The following ATL1 variants were observed in gnomAD, a reference collection of about 807,000 sequenced individuals.
ATL1 encodes atlastin-1.
Under a neutral mutation model 75.5 loss-of-function variants are expected in ATL1, and 31 were observed. The ratio of observed to expected loss-of-function variants is 0.41; its 90% CI spans 0.31 to 0.55. ATL1 has a LOEUF of 0.55. Ranked by LOEUF, ATL1 falls within the 20% of genes least tolerant of loss-of-function variation. The pLI is 0.27. For synonymous variants in ATL1, 226 were observed against 233.3 expected, an observed-to-expected ratio of 0.97 and a Z score of 0.28; for missense variants, 405 against 662.6, an observed-to-expected ratio of 0.61 and a Z score of 4.27.
At chr14:50,538,779 A>G (rs2038525004) in intron 1 of ATL1, among the ~76,000 whole-genome samples, 1 of 152,174 alleles carries the variant, frequency 6.6e-6, no homozygotes, top group South Asian at 2.1e-4. Context: ...CTCACTATCT[A>G]TTGGTGATTC....
chr14:50,614,298 A>G lies in ATL1; in HGVS notation c.724-75A>G, dbSNP rs539233428. On this transcript the variant is annotated intron_variant, in intron 7 of 13. Transcript: ENST00000358385. ...ATTGTGGGACCAAACAGACATAGCA[A>G]ATATAAGATGCCACAGAATTCCTTT... 345 of 1,510,090 alleles carry G rather than the reference A, an allele frequency of 2.3e-4. 2 individuals are homozygous for G. The highest frequency in any genetic ancestry group is 2.0e-3 in the South Asian group (180 of 87,976). The allele number at this position is 1,510,090 out of a possible 1,614,324, so 93.5% of individuals were successfully genotyped here.
chr14:50,551,769 T>A (rs2038705696), intron 1 of ATL1, among the ~76,000 whole-genome samples: 1 of 152,152 alleles, frequency 6.6e-6, no homozygotes, highest in African/African-American at 2.4e-5. Flanking sequence ...AATTATGTGA[T>A]AATCTCAGTA....
At position 50,537,317 on chromosome 14, in the gene ATL1, T is replaced by G. The variant is rs144375949; in HGVS notation, c.-140+3950T>G. On this transcript the variant is annotated intron_variant, in intron 1 of 13. Coordinates refer to the ATL1 transcript ENST00000441560. Reference sequence around the variant, plus strand: ...AGTCAAGAATTGAGGTTTGGGAATCTTTGCCTAGATTTCAGATGATGTATG... The same window carrying G: ...AGTCAAGAATTGAGGTTTGGGAATCGTTGCCTAGATTTCAGATGATGTATG... Among the ~76,000 whole-genome samples, 377 of 152,324 alleles carry G rather than the reference T, an allele frequency of 2.5e-3. 2 individuals carry two copies. Among genetic ancestry groups the G allele is most frequent in the African/African-American group, 8.5e-3 (355 of 41,574 alleles).
intron 8 of ATL1, among the ~76,000 whole-genome samples, chr14:50,619,783 C>A (rs1171456267): frequency 1.3e-5 from 2 of 152,128 alleles, no homozygotes; most frequent in African/African-American, 4.8e-5. Context: ...TTTTTGAACT[C>A]TGCAGTCCAG....
chr14:50,566,951 A>T (rs1427885303), intron 1 of ATL1, among the ~76,000 whole-genome samples: 3 of 152,072 alleles, frequency 2.0e-5, no homozygotes, highest in Non-Finnish European at 4.4e-5. Flanking sequence ...TTCAGTTTTT[A>T]AAATTTGTGG....
At chr14:50,558,917 C>A (rs538706563), upstream of ATL1, among the ~76,000 whole-genome samples, 5,656 of 152,300 alleles carry the variant, frequency 0.037, 100 homozygotes, top group Middle Eastern at 0.058. Context: ...GTTCACGACT[C>A]TGCAGTCACT....
At chr14:50,571,296 A>C (rs977939877) in intron 1 of ATL1, among the ~76,000 whole-genome samples, 1 of 152,174 alleles carries the variant, frequency 6.6e-6, no homozygotes, top group South Asian at 2.1e-4. Flanking sequence ...CTGCTCCAGG[A>C]ACACATGCAT....
intron 1 of ATL1, among the ~76,000 whole-genome samples, chr14:50,536,595 TTCC>T (rs1211504745): frequency 6.6e-6 from 1 of 152,196 alleles, no homozygotes; most frequent in East Asian, 1.9e-4. Flanking sequence ...AGTTTGGAAC[TTCC>T]TAGAGGCTTG....
intron 13 of ATL1, among the ~76,000 whole-genome samples, chr14:50,631,276 A>T (rs1337728562): frequency 6.6e-6 from 1 of 152,078 alleles, no homozygotes. Flanking sequence ...TAAAAAACAA[A>T]AACAAAAACA....
chr14:50,559,947 A>C, upstream of ATL1: 2 of 440,136 alleles, frequency 4.5e-6, no homozygotes, highest in Non-Finnish European at 8.4e-6. Context: ...GGTGCTGTTT[A>C]TTTGTTTGTG....
At chr14:50,616,899 G>T (rs573189100) in intron 8 of ATL1, among the ~76,000 whole-genome samples, 1 of 152,106 alleles carries the variant, frequency 6.6e-6, no homozygotes, top group South Asian at 2.1e-4. Flanking sequence ...TCTGTCCCAC[G>T]CTGAATCTTA....
rs7159325 is a variant in ATL1, at chr14:50,573,255, A to G, written c.34+12956A>G. Among the ~76,000 whole-genome samples, 783 of 152,260 alleles carry G rather than the reference A, an allele frequency of 5.1e-3. 3 individuals carry two copies. Among genetic ancestry groups the G allele is most frequent in the African/African-American group, 0.014 (580 of 41,552 alleles). ...GAAAAAGTATGGATTTTTCTAAATT[A>G]ATGTTTTGTTCTTGATTTCATACTT... On this transcript the variant is annotated intron_variant, in intron 1 of 13. Coordinates refer to ENST00000358385, the MANE Select transcript of ATL1 (RefSeq NM_015915.5).
intron 11 of ATL1, among the ~76,000 whole-genome samples, chr14:50,626,497 A>T (rs1443753283): frequency 6.6e-6 from 1 of 152,210 alleles, no homozygotes; most frequent in African/African-American, 2.4e-5. Context: ...TCAATTTTGT[A>T]TTCTCTTAAC....
chr14:50,597,955 A>G (rs1198093606), intron 6 of ATL1, among the ~76,000 whole-genome samples: 1 of 152,196 alleles, frequency 6.6e-6, no homozygotes, highest in African/African-American at 2.4e-5. Context: ...TCGGCCTCCC[A>G]AAGTGCTGGG....
intron 6 of ATL1, among the ~76,000 whole-genome samples, chr14:50,608,966 C>A (rs367599542): frequency 1.3e-5 from 2 of 151,886 alleles, no homozygotes; most frequent in African/African-American, 4.8e-5. Context: ...TCCTCTCCCC[C>A]ACAAGAATCT....
chr14:50,603,801 A>G (rs2039292552), intron 6 of ATL1, among the ~76,000 whole-genome samples: 1 of 152,202 alleles, frequency 6.6e-6, no homozygotes, highest in Admixed American at 6.5e-5. Context: ...TGGGCTGAAA[A>G]TTAAAGGAAA....
At chr14:50,581,713 T>C (rs574008436) in intron 1 of ATL1, among the ~76,000 whole-genome samples, 12 of 152,322 alleles carry the variant, frequency 7.9e-5, no homozygotes, top group Middle Eastern at 3.4e-3. Context: ...TTGAAGTTTA[T>C]TGAGATCTGA....
At chr14:50,553,340 C>A (rs1244687192) in intron 1 of ATL1, among the ~76,000 whole-genome samples, 1 of 150,098 alleles carries the variant, frequency 6.7e-6, no homozygotes, top group African/African-American at 2.4e-5. Context: ...AGACAGCCAA[C>A]AAACATTGAA....
chr14:50,587,528 C>T lies in ATL1; in HGVS notation c.35-303C>T, dbSNP rs183208405. On this transcript the variant is annotated intron_variant, in intron 1 of 13. Coordinates refer to ENST00000358385, the MANE Select transcript of ATL1 (RefSeq NM_015915.5). ...TGGGCTCAAGTGATCCTCCCACCCC[C>T]GCCTCCTGAGAGCTGGGACCACAGG... is the stretch of plus-strand genomic sequence containing the variant. 1.9e-4 allele frequency among the ~76,000 whole-genome samples: 29 copies of T among 151,664 alleles called. No homozygotes were observed. The East Asian group carries it at 4.7e-3, about 24-fold the overall frequency.
Sources: gnomAD v4.1 joint callset for allele counts (sites outside exome capture counted in the v4.1 genomes callset) on GRCh38, gnomAD v4.1.1 for gene constraint, MANE v1.5 for transcripts, NCBI Gene and HGNC (gene_info 2026-07-23, HGNC 2026-07-21) for gene names.